LSM14A: variants seen among roughly 807,000 people sequenced by gnomAD.
LSM14A encodes the protein protein LSM14 homolog A.
LSM14A carries 14 observed loss-of-function variants against 52.4 expected under a neutral mutation model. That is an observed-to-expected ratio of 0.27 (90% confidence interval 0.18 to 0.42). The LOEUF is 0.42. LSM14A is among the 10% of genes least tolerant of loss of function. The pLI, the probability that LSM14A is intolerant of heterozygous loss-of-function variation, is 1.00. For missense variants in LSM14A, 417 were observed against 581.8 expected (o/e 0.72, Z 2.91); for synonymous variants, 185 against 200.3 (o/e 0.92, Z 0.64).
chr19:34,225,385 C>T (rs1346797060), intron 9 of LSM14A, among the ~76,000 whole-genome samples: 2 of 152,170 alleles, frequency 1.3e-5, no homozygotes, highest in Non-Finnish European at 2.9e-5. Flanking sequence ...TGATCACTGT[C>T]ACATAAAGGA....
chr19:34,179,998 A>G (rs2069363571), intron 1 of LSM14A, among the ~76,000 whole-genome samples: 1 of 152,184 alleles, frequency 6.6e-6, no homozygotes, highest in African/African-American at 2.4e-5. Flanking sequence ...GCACGATCAC[A>G]GCCTTGACCT....
intron 1 of LSM14A, among the ~76,000 whole-genome samples, chr19:34,176,830 CTT>C (rs938382326): frequency 6.6e-6 from 1 of 152,160 alleles, no homozygotes; most frequent in African/African-American, 2.4e-5. Flanking sequence ...GAATGTTGGT[CTT>C]TATCAGGTAA....
chr19:34,211,406 T>G (rs2072140058), intron 4 of LSM14A, among the ~76,000 whole-genome samples: 1 of 151,896 alleles, frequency 6.6e-6, no homozygotes, highest in South Asian at 2.1e-4. Flanking sequence ...AAATATATAA[T>G]AAGAAATAAG....
At chr19:34,192,330 T>G (rs1193433109) in intron 1 of LSM14A, among the ~76,000 whole-genome samples, 2 of 129,366 alleles carry the variant, frequency 1.5e-5, no homozygotes, top group Admixed American at 7.8e-5. Context: ...TTTTTTTTTT[T>G]TTTTTTTTTT....
In LSM14A at chr19:34,221,512, G is replaced by T. The variant is rs201032730; in HGVS notation, c.1142G>T (p.Arg381Leu). 1.9e-6 allele frequency: 3 copies of T among 1,613,114 alleles called. No individual in the cohort carries two copies. The highest frequency in any genetic ancestry group is 2.5e-6 in the Non-Finnish European group (3 of 1,179,800). Residue 381 changes from arginine to leucine, a missense_variant, in exon 9 of 10, where the codon CGG (arginine) becomes CTG (leucine). Physicochemically the swap from Arg to Leu is moderately radical, Grantham distance 102. Transcript: ENST00000544216. ...DNISCDDNRE[R>L]RPTWAEERRL... ...ATTATTTGCTTTTATAATAGAGAAC[G>T]GAGACCAACCTGGGCTGAAGAAAGA...
chr19:34,180,601 T>G (rs2069408713), intron 1 of LSM14A, among the ~76,000 whole-genome samples: 3 of 152,084 alleles, frequency 2.0e-5, no homozygotes, highest in Admixed American at 2.0e-4. Flanking sequence ...CCCAACTCAG[T>G]CAGTCATTCA....
chr19:34,210,564 G>A lies in LSM14A; in HGVS notation c.538+1513G>A, dbSNP rs146223803. The stretch of plus-strand genomic sequence containing the variant: ...TGGGATTGTAGATGTGAGCCACTGC[G>A]TCCAGCCTACTTGCTTAATTTTTAA... On this transcript the variant is annotated intron_variant, in intron 4 of 9. Transcript: ENST00000544216. Among the ~76,000 whole-genome samples, 503 of 151,732 alleles carry A rather than the reference G, an allele frequency of 3.3e-3. 2 individuals are homozygous for A. Among genetic ancestry groups the A allele is most frequent in the African/African-American group, 0.012 (485 of 41,354 alleles).
At chr19:34,183,978 A>T (rs922775831) in intron 1 of LSM14A, among the ~76,000 whole-genome samples, 1 of 151,404 alleles carries the variant, frequency 6.6e-6, no homozygotes, top group African/African-American at 2.4e-5. Flanking sequence ...TTCTTTGTTG[A>T]TGTTTAGTCA....
chr19:34,207,179 G>C (rs1034225337), intron 3 of LSM14A, among the ~76,000 whole-genome samples: 23 of 152,150 alleles, frequency 1.5e-4, no homozygotes, highest in Non-Finnish European at 2.6e-4. Flanking sequence ...GGGGGGTGTG[G>C]CACGATCAGG....
chr19:34,181,578 G>C (rs905051322), intron 1 of LSM14A, among the ~76,000 whole-genome samples: 11 of 152,228 alleles, frequency 7.2e-5, no homozygotes, highest in Admixed American at 7.2e-4. Flanking sequence ...TTCTTAACTT[G>C]ATCGTATGCC....
intron 9 of LSM14A, among the ~76,000 whole-genome samples, chr19:34,224,062 C>T (rs766420872): frequency 1.3e-5 from 2 of 152,156 alleles, no homozygotes; most frequent in Non-Finnish European, 2.9e-5. Flanking sequence ...GGCGTGGTGG[C>T]TCACACCTAT....
intron 1 of LSM14A, among the ~76,000 whole-genome samples, chr19:34,187,683 T>C (rs1204636449): frequency 6.6e-6 from 1 of 152,126 alleles, no homozygotes; most frequent in Non-Finnish European, 1.5e-5. Flanking sequence ...ATTTAGAACA[T>C]TTTTGGTATT....
Position 34,222,583 on chromosome 19 carries a change from CAGAA to C in LSM14A, c.1368+849_1368+852del, listed in dbSNP as rs1361757159. ...TGTAATAGCAACAGGCAGCTGGAAACAGAAAGACCTGTTAGCAGGAGTTCCATTG... is the reference window on the plus strand; with the variant it reads ...TGTAATAGCAACAGGCAGCTGGAAACAGACCTGTTAGCAGGAGTTCCATTG... On this transcript the variant is annotated intron_variant, in intron 9 of 9. Coordinates refer to ENST00000544216, the MANE Select transcript of LSM14A (RefSeq NM_015578.4). Among the ~76,000 whole-genome samples, 4 of 152,200 alleles carry C rather than the reference CAGAA, an allele frequency of 2.6e-5. No individual in the cohort carries two copies. The East Asian group carries it at 5.8e-4, about 22-fold the overall frequency.
At chr19:34,196,827 T>C (rs2070876423) in intron 3 of LSM14A, 64 bp downstream of exon 3, 2 of 1,405,040 alleles carry the variant, frequency 1.4e-6, no homozygotes, top group Non-Finnish European at 1.9e-6. Context: ...CACAAAGGTA[T>C]AGAAACTCAA....
chr19:34,224,909 C>A (rs1283812044), intron 9 of LSM14A, among the ~76,000 whole-genome samples: 1 of 152,216 alleles, frequency 6.6e-6, no homozygotes, highest in Non-Finnish European at 1.5e-5. Flanking sequence ...TCAGGTCCCC[C>A]CTTTCACTTA....
At chr19:34,197,473 C>G (rs1453448907) in intron 3 of LSM14A, among the ~76,000 whole-genome samples, 1 of 104,332 alleles carries the variant, frequency 9.6e-6, no homozygotes, top group Non-Finnish European at 1.7e-5. Flanking sequence ...GAGTCTTGCT[C>G]TGTTGCCCAG....
chr19:34,217,616 CGTGT>C (rs1568498319), intron 6 of LSM14A, among the ~76,000 whole-genome samples: 4 of 8,292 alleles, frequency 4.8e-4, no homozygotes, highest in African/African-American at 1.8e-3. Flanking sequence ...CCCCCCCCCC[CGTGT>C]TTTTTTTTTT....
At chr19:34,196,071 A>G (rs1301239714) in intron 2 of LSM14A, among the ~76,000 whole-genome samples, 4 of 152,196 alleles carry the variant, frequency 2.6e-5, no homozygotes, top group African/African-American at 4.8e-5. Context: ...TATGAAGTAT[A>G]CATGTATTAA....
intron 1 of LSM14A, among the ~76,000 whole-genome samples, chr19:34,178,160 CAA>C (rs1210486981): frequency 9.4e-6 from 1 of 106,882 alleles, no homozygotes. Context: ...GACTCTGTCT[CAA>C]AAAAAAAAAA....
Sources: allele counts gnomAD v4.1 joint callset (sites outside exome capture counted in the v4.1 genomes callset), GRCh38; gene constraint gnomAD v4.1.1; transcripts MANE v1.5; gene names NCBI Gene and HGNC (gene_info 2026-07-23, HGNC 2026-07-21).